BCL2L14: variants seen among roughly 807,000 people sequenced by gnomAD.
BCL2L14 encodes apoptosis facilitator Bcl-2-like protein 14.
BCL2L14 carries 27 observed loss-of-function variants against 35.3 expected under a neutral mutation model. That is an observed-to-expected ratio of 0.76 (90% CI 0.56 to 1.05). BCL2L14 has a LOEUF of 1.05. Among genes scored for constraint, BCL2L14 ranks in the 50% least tolerant of loss-of-function variants. BCL2L14 has a pLI of 0.00. For synonymous variants in BCL2L14, 139 were observed against 145.9 expected (o/e 0.95, Z 0.34); for missense variants, 377 against 382.6 (o/e 0.99, Z 0.12).
rs955613354 is a variant in BCL2L14 at position 12,099,300 on chromosome 12, G to T, written c.*312G>T. On this transcript the variant is annotated 3_prime_UTR_variant, in exon 6 of 6. Transcript: ENST00000308721. ...TACCATCATCCTGCCTTTGTTAGCTGCTGTAGGGAAAGTGCGTTACAGATG... is the reference window on the plus strand; with the variant it reads ...TACCATCATCCTGCCTTTGTTAGCTTCTGTAGGGAAAGTGCGTTACAGATG... 24 of 338,078 alleles carry T rather than the reference G, an allele frequency of 7.1e-5. No homozygotes were observed. The highest frequency in any genetic ancestry group is 4.9e-4 in the African/African-American group (23 of 46,598). 20.9% of individuals were successfully genotyped at this position (338,078 alleles called of 1,614,324 possible).
At chr12:12,062,093 T>A (rs374012904) in intron 2 of BCL2L14, among the ~76,000 whole-genome samples, 1 of 151,714 alleles carries the variant, frequency 6.6e-6, no homozygotes, top group Non-Finnish European at 1.5e-5. Flanking sequence ...ATGCTCAACT[T>A]ACTCTCTACA....
At chr12:12,082,563 T>C (rs1948951145) in intron 2 of BCL2L14, among the ~76,000 whole-genome samples, 1 of 152,256 alleles carries the variant, frequency 6.6e-6, no homozygotes, top group Non-Finnish European at 1.5e-5. Flanking sequence ...TGACATTTTT[T>C]TTATTTTCTA....
chr12:12,075,253 A>T (rs887820453), intron 1 of BCL2L14, among the ~76,000 whole-genome samples: 1 of 151,040 alleles, frequency 6.6e-6, no homozygotes, highest in East Asian at 1.9e-4. Flanking sequence ...CTCCCAACTC[A>T]CTGGAATTAC....
intron 3 of BCL2L14, among the ~76,000 whole-genome samples, chr12:12,090,093 G>GA (rs1949146802): frequency 6.6e-6 from 1 of 152,120 alleles, no homozygotes; most frequent in South Asian, 2.1e-4. Flanking sequence ...ATCTGCTGAG[G>GA]AAAAATCCAA....
chr12:12,061,424 C>T (rs561383281), intron 2 of BCL2L14, among the ~76,000 whole-genome samples: 12 of 152,194 alleles, frequency 7.9e-5, no homozygotes, highest in African/African-American at 2.9e-4. Flanking sequence ...TTGTCACTCG[C>T]CTGCTACAGC....
chr12:12,060,076 C>G (rs1168089725), intron 2 of BCL2L14, among the ~76,000 whole-genome samples: 1 of 151,814 alleles, frequency 6.6e-6, no homozygotes, highest in African/African-American at 2.4e-5. Context: ...TCTGACCTCT[C>G]TCCTCCTCGC....
chr12:12,077,459 C>A (rs1767452649), intron 1 of BCL2L14, among the ~76,000 whole-genome samples: 1 of 151,584 alleles, frequency 6.6e-6, no homozygotes, highest in African/African-American at 2.4e-5. Flanking sequence ...GTGAGAGAAT[C>A]CCTTGAGCCG....
upstream of BCL2L14, among the ~76,000 whole-genome samples, chr12:12,067,422 A>G (rs1486232669): frequency 6.6e-6 from 1 of 151,982 alleles, no homozygotes; most frequent in Non-Finnish European, 1.5e-5. Context: ...GTGGTGGCAC[A>G]TGCCTGTAAT....
chr12:12,056,615 A>G (rs1377094671), intron 2 of BCL2L14, among the ~76,000 whole-genome samples: 2 of 152,110 alleles, frequency 1.3e-5, no homozygotes, highest in African/African-American at 2.4e-5. Flanking sequence ...GGGCGGATCA[A>G]CTGAGGTCAG....
chr12:12,095,210 A>G (rs1215604142), intron 5 of BCL2L14: 9 of 985,274 alleles, frequency 9.1e-6, no homozygotes, highest in Non-Finnish European at 1.1e-5. Flanking sequence ...TGCTGAGATA[A>G]GAAATGTTTA....
At chr12:12,077,066 T>C (rs1196231208) in intron 1 of BCL2L14, among the ~76,000 whole-genome samples, 1 of 152,150 alleles carries the variant, frequency 6.6e-6, no homozygotes, top group Non-Finnish European at 1.5e-5. Flanking sequence ...GCAGTTACTG[T>C]CCCATTTCTT....
intron 2 of BCL2L14, among the ~76,000 whole-genome samples, chr12:12,057,755 T>G (rs1435385381): frequency 1.7e-5 from 2 of 120,340 alleles, no homozygotes; most frequent in African/African-American, 3.2e-5. Context: ...AAAACTCCAT[T>G]AAAAAAAAAA....
chr12:12,088,969 T>TA (rs1450224439), intron 3 of BCL2L14, among the ~76,000 whole-genome samples: 5 of 152,220 alleles, frequency 3.3e-5, no homozygotes, highest in Non-Finnish European at 7.3e-5. Context: ...AAAGCTAAGA[T>TA]GACCTCATCC....
intron 3 of BCL2L14, 60 bp downstream of exon 3, chr12:12,087,446 A>G (rs1949072971): frequency 1.3e-6 from 2 of 1,567,514 alleles, no homozygotes; most frequent in Non-Finnish European, 8.7e-7. Context: ...GCATTTGTGT[A>G]TTTATCCATC....
rs1038771408 is a variant in BCL2L14 at position 12,081,825 on chromosome 12, G to T, written c.433+2087G>T. On this transcript the variant is annotated intron_variant, in intron 2 of 5. Transcript: ENST00000308721. Reference sequence around the variant, plus strand: ...GCCCACCTTGGGCTCCCGAAGTGCTGGGATTACAAGTGTGAGCCACTGCAC... The same window carrying T: ...GCCCACCTTGGGCTCCCGAAGTGCTTGGATTACAAGTGTGAGCCACTGCAC... Among the ~76,000 whole-genome samples, 4 of 152,216 alleles carry T rather than the reference G, an allele frequency of 2.6e-5. No homozygotes were observed. The East Asian group carries it at 7.7e-4, about 29-fold the overall frequency.
At position 12,087,314 on chromosome 12, in the gene BCL2L14, G is replaced by A. The variant is rs759558587; in HGVS notation, c.535G>A (p.Glu179Lys). The change falls in exon 3 of 6, where the codon GAG (glutamate) becomes AAG (lysine). Residue 179 changes from glutamate to lysine, a missense_variant. Glu to Lys is a moderately conservative substitution (Grantham distance 56, BLOSUM62 1). Coordinates refer to ENST00000308721, the MANE Select transcript of BCL2L14 (RefSeq NM_138723.2). The part of the protein sequence containing the change: ...ATQAGGFKSK[E>K]IFVTEGLSFQ... ...CCAGGCAGGAGGCTTCAAGTCCAAA[G>A]AGATTTTTGTAACTGAGGGTCTCTC... 22 of 1,614,094 alleles carry A rather than the reference G, an allele frequency of 1.4e-5. No homozygotes were observed. Among genetic ancestry groups the A allele is most frequent in the South Asian group, 6.6e-5 (6 of 91,084 alleles).
At position 12,091,581 on chromosome 12, in the gene BCL2L14, G is replaced by A. The variant is rs1223093747; in HGVS notation, c.678+732G>A. ...TTTTTCCAGAATCTGTGGGGAGGGA[G>A]TCAGACCCTGGGGGTGGGGATGGGA... On this transcript the variant is annotated intron_variant, in intron 4 of 5. Coordinates refer to ENST00000308721, the MANE Select transcript of BCL2L14 (RefSeq NM_138723.2). Among the ~76,000 whole-genome samples the A allele has an allele frequency of 3.3e-5, 5 of 152,324 alleles. No individual in the cohort carries two copies. The East Asian group carries it at 9.6e-4, about 29-fold the overall frequency.
chr12:12,061,321 C>T (rs1190730303), intron 2 of BCL2L14, among the ~76,000 whole-genome samples: 8 of 151,662 alleles, frequency 5.3e-5, no homozygotes, highest in East Asian at 2.0e-4. Context: ...ACCAATCACA[C>T]ACCCCTTACC....
upstream of BCL2L14, among the ~76,000 whole-genome samples, chr12:12,068,576 G>A (rs1458510047): frequency 1.3e-5 from 2 of 151,992 alleles, no homozygotes; most frequent in Admixed American, 6.6e-5. Flanking sequence ...TTGTCTGGCT[G>A]GTGTTGAATA....
Sources: allele counts gnomAD v4.1 joint callset (sites outside exome capture counted in the v4.1 genomes callset), GRCh38; gene constraint gnomAD v4.1.1; transcripts MANE v1.5; gene names NCBI Gene and HGNC (gene_info 2026-07-23, HGNC 2026-07-21).